Variants in CELF5 observed in about 807,000 individuals in gnomAD.
CELF5 encodes the protein CUG-BP and ETR-3 like factor 5.
Under a neutral mutation model 54.9 loss-of-function variants are expected in CELF5, and 6 were observed. That is an observed-to-expected ratio of 0.11 (90% CI 0.06 to 0.22). CELF5 has a LOEUF of 0.22. Among genes scored for constraint, CELF5 ranks in the 10% least tolerant of loss-of-function variants. The pLI is 1.00. For missense variants in CELF5, 401 were observed against 678.6 expected (o/e 0.59, Z 4.54); for synonymous variants, 271 against 290.9 (o/e 0.93, Z 0.70).
At chr19:3,272,447 A>T (rs933361332) in intron 2 of CELF5, among the ~76,000 whole-genome samples, 4 of 152,232 alleles carry the variant, frequency 2.6e-5, no homozygotes, top group Non-Finnish European at 5.9e-5. Flanking sequence ...GAAACTCAAA[A>T]GTCAGAAGAT....
chr19:3,237,877 G>A (rs1599393277), intron 1 of CELF5, among the ~76,000 whole-genome samples: 1 of 149,952 alleles, frequency 6.7e-6, no homozygotes, highest in Admixed American at 6.7e-5. Context: ...GTGAAACCCC[G>A]TCTCTACTAA....
intron 2 of CELF5, among the ~76,000 whole-genome samples, chr19:3,267,469 C>T (rs564396618): frequency 2.6e-5 from 4 of 152,308 alleles, no homozygotes; most frequent in Admixed American, 6.5e-5. Context: ...GCTGGCTGGG[C>T]CGTCACAGCC....
intron 2 of CELF5, among the ~76,000 whole-genome samples, chr19:3,254,699 C>A (rs2079697228): frequency 6.6e-6 from 1 of 151,948 alleles, no homozygotes; most frequent in Non-Finnish European, 1.5e-5. Flanking sequence ...ATCCATTCAC[C>A]CACACATCCA....
intron 8 of CELF5, 71 bp from the exon 9 acceptor site, chr19:3,284,831 T>A: frequency 7.5e-7 from 1 of 1,338,914 alleles, no homozygotes; most frequent in Admixed American, 1.7e-5. Context: ...TCCTTGCGGC[T>A]CTTAAGGATC....
intron 2 of CELF5, among the ~76,000 whole-genome samples, chr19:3,255,488 C>G (rs117148340): frequency 9.9e-5 from 15 of 152,248 alleles, no homozygotes. Flanking sequence ...CTACTGCCCC[C>G]GACTGCTTTT....
intron 2 of CELF5, among the ~76,000 whole-genome samples, chr19:3,261,550 G>T (rs574555047): frequency 1.2e-4 from 18 of 152,120 alleles, no homozygotes; most frequent in Non-Finnish European, 4.4e-5. Context: ...AGGCCTGGTG[G>T]TTCTCACACC....
intron 2 of CELF5, among the ~76,000 whole-genome samples, chr19:3,255,592 T>C (rs917756437): frequency 5.3e-5 from 8 of 152,004 alleles, no homozygotes; most frequent in African/African-American, 1.9e-4. Context: ...CATCCTGCCC[T>C]CTCATTTGTT....
At chr19:3,285,456 C>T (rs796865269) in intron 9 of CELF5, among the ~76,000 whole-genome samples, 8 of 151,768 alleles carry the variant, frequency 5.3e-5, no homozygotes, top group African/African-American at 1.9e-4. Context: ...CGGCCCCGCC[C>T]CTTAACTCAT....
chr19:3,293,844 C>T (rs142762554), intron 12 of CELF5: 2,279 of 192,706 alleles, frequency 0.012, 23 homozygotes, highest in Non-Finnish European at 0.016. Context: ...TCTGTCCTGT[C>T]CTATGAGTCT....
At chr19:3,231,611 GGATA>G (rs1160959686) in intron 1 of CELF5, among the ~76,000 whole-genome samples, 5 of 150,820 alleles carry the variant, frequency 3.3e-5, no homozygotes, top group South Asian at 4.2e-4. Context: ...ATGGATGGAT[GGATA>G]GATGGATGGA....
At chr19:3,294,808 CTG>C (rs915558541) in intron 12 of CELF5, 1 of 152,252 alleles carries the variant, frequency 6.6e-6, no homozygotes, top group African/African-American at 2.4e-5. Context: ...ACAGAAATAT[CTG>C]TCCCCAGCTG....
intron 2 of CELF5, among the ~76,000 whole-genome samples, chr19:3,266,965 C>A (rs533767266): frequency 6.6e-6 from 1 of 152,182 alleles, no homozygotes; most frequent in Non-Finnish European, 1.5e-5. Flanking sequence ...CACGCCCGCA[C>A]GAGCACAGCC....
intron 5 of CELF5, among the ~76,000 whole-genome samples, chr19:3,280,172 G>C (rs2080124717): frequency 6.6e-6 from 1 of 152,176 alleles, no homozygotes; most frequent in Admixed American, 6.5e-5. Flanking sequence ...AGTCACATGG[G>C]TTTCTGTCTG....
At position 3,228,892 on chromosome 19, in the gene CELF5, G is replaced by A. The variant is rs1057079604; in HGVS notation, c.259+3894G>A. On this transcript the variant is annotated intron_variant, in intron 1 of 12. Transcript: ENST00000292672. This position sits in a 1 kb window ranked among gnomAD's most constrained non-coding sequence, Gnocchi z 6.0. ...TTGGCCGGCGTGTGTGTGTGTGTGT[G>A]TGTGTGTGTGTGTGTGTGTGTGTAC... Among the ~76,000 whole-genome samples, 161 of 149,774 alleles carry A rather than the reference G, an allele frequency of 1.1e-3. No homozygotes were observed. The highest frequency in any genetic ancestry group is 3.8e-3 in the African/African-American group (155 of 40,966).
chr19:3,256,820 G>A (rs971947081), intron 2 of CELF5, among the ~76,000 whole-genome samples: 5 of 151,680 alleles, frequency 3.3e-5, no homozygotes, highest in South Asian at 4.2e-4. Context: ...CACCAGCCTC[G>A]GCCTCCTAAA....
At chr19:3,226,166 G>A (rs1916896023) in intron 1 of CELF5, among the ~76,000 whole-genome samples, 1 of 152,170 alleles carries the variant, frequency 6.6e-6, no homozygotes, top group African/African-American at 2.4e-5. Flanking sequence ...CCCTGGAGAG[G>A]CCTTGGGGAA....
intron 12 of CELF5, chr19:3,295,383 A>G (rs1366978676): frequency 6.6e-6 from 1 of 152,008 alleles, no homozygotes; most frequent in Non-Finnish European, 1.5e-5. Context: ...ATATAGATCT[A>G]TAGACAGTAT....
At chr19:3,277,550 T>C (rs2080076930) in intron 4 of CELF5, among the ~76,000 whole-genome samples, 1 of 152,176 alleles carries the variant, frequency 6.6e-6, no homozygotes, top group African/African-American at 2.4e-5. Flanking sequence ...GTGCTTTTTT[T>C]TTCTATTCAT....
intron 12 of CELF5, chr19:3,296,335 A>AG (rs774540155): frequency 1.1e-5 from 1 of 93,972 alleles, no homozygotes; most frequent in Non-Finnish European, 2.2e-5. Context: ...TTAAAAAGAA[A>AG]GAAAAAAAAA....
Sources: gnomAD v4.1 joint callset for allele counts (sites outside exome capture counted in the v4.1 genomes callset) on GRCh38, gnomAD v4.1.1 for gene constraint, Gnocchi (gnomAD v3.1) non-coding constraint, MANE v1.5 for transcripts, NCBI Gene and HGNC (gene_info 2026-07-23, HGNC 2026-07-21) for gene names.